The following FAM163A variants were observed in gnomAD, a reference collection of about 807,000 sequenced individuals.
FAM163A encodes the protein protein FAM163A.
Under a neutral mutation model 12.0 loss-of-function variants are expected in FAM163A, and 7 were observed. That is an observed-to-expected ratio of 0.58 (90% CI 0.33 to 1.10). The LOEUF is 1.10. Among genes scored for constraint, FAM163A ranks in the 50% least tolerant of loss-of-function variants. The pLI, the probability that FAM163A is intolerant of heterozygous loss-of-function variation, is 0.03. For missense variants in FAM163A, 202 were observed against 218.6 expected, an observed-to-expected ratio of 0.92 and a Z score of 0.48; for synonymous variants, 101 against 91.0, an observed-to-expected ratio of 1.11 and a Z score of -0.62.
chr1:179,771,080 G>A (rs1467589816), intron 1 of FAM163A, among the ~76,000 whole-genome samples: 1 of 152,066 alleles, frequency 6.6e-6, no homozygotes, highest in African/African-American at 2.4e-5. Flanking sequence ...TTTCCGGTAT[G>A]ATCTCAAGCA....
At chr1:179,808,382 G>A (rs974160333) in intron 2 of FAM163A, among the ~76,000 whole-genome samples, 3 of 152,226 alleles carry the variant, frequency 2.0e-5, no homozygotes, top group African/African-American at 7.2e-5. Flanking sequence ...GTCCAGACAT[G>A]GCTGGTTGAC....
intron 1 of FAM163A, among the ~76,000 whole-genome samples, chr1:179,790,218 C>CTTTT (rs1168192716): frequency 7.1e-4 from 65 of 91,626 alleles, no homozygotes; most frequent in Non-Finnish European, 1.2e-3. Flanking sequence ...AGCTGACTTC[C>CTTTT]TTTTTTTTTT....
At position 179,797,995 on chromosome 1, in the gene FAM163A, C is replaced by T. The variant is rs563900204; in HGVS notation, c.-135-9803C>T. Among the ~76,000 whole-genome samples the T allele has an allele frequency of 1.9e-4, 29 of 152,114 alleles. No homozygotes were observed. The South Asian group carries it at 5.6e-3, about 29-fold the overall frequency. On this transcript the variant is annotated intron_variant, in intron 1 of 4. Transcript: ENST00000341785. ...CTGTAATCTCAGCACTTTGGGAGAC[C>T]GAGGCAGGTAGATTGTCTGAGCTCA...
At chr1:179,795,961 T>TTAA (rs1692245201) in intron 1 of FAM163A, among the ~76,000 whole-genome samples, 1 of 150,376 alleles carries the variant, frequency 6.6e-6, no homozygotes, top group East Asian at 1.9e-4. Flanking sequence ...TCTTTCTCTA[T>TTAA]TATTATTATT....
chr1:179,766,851 G>A (rs1161152510), intron 1 of FAM163A, among the ~76,000 whole-genome samples: 2 of 151,974 alleles, frequency 1.3e-5, no homozygotes, highest in East Asian at 3.9e-4. Context: ...TGCCTCCCGG[G>A]TTCAAGCGAT....
chr1:179,728,883 C>T, the FAM163A span, among the ~76,000 whole-genome samples: 3 of 152,232 alleles, frequency 2.0e-5, no homozygotes, highest in South Asian at 2.1e-4. Flanking sequence ...CCCGAGACAT[C>T]GATACATGTT....
At chr1:179,734,881 G>A in the FAM163A span, among the ~76,000 whole-genome samples, 1 of 152,180 alleles carries the variant, frequency 6.6e-6, no homozygotes, top group African/African-American at 2.4e-5. Flanking sequence ...GGCCTCATTA[G>A]GTAAGAGAGG....
At chr1:179,754,896 G>A (rs558058224) in intron 1 of FAM163A, among the ~76,000 whole-genome samples, 1 of 152,280 alleles carries the variant, frequency 6.6e-6, no homozygotes, top group East Asian at 1.9e-4. Flanking sequence ...CAGTTCTTTG[G>A]AAGGCCAAGG....
At chr1:179,793,187 A>G (rs1227243744) in intron 1 of FAM163A, among the ~76,000 whole-genome samples, 1 of 151,998 alleles carries the variant, frequency 6.6e-6, no homozygotes, top group Non-Finnish European at 1.5e-5. Flanking sequence ...AGTTTCTTCA[A>G]CCATTGCTCA....
chr1:179,783,140 A>G (rs1690036165), intron 1 of FAM163A, among the ~76,000 whole-genome samples: 1 of 151,946 alleles, frequency 6.6e-6, no homozygotes, highest in Admixed American at 6.6e-5. Context: ...AAAAAAAAAA[A>G]AAAAGGAAAA....
intron 1 of FAM163A, among the ~76,000 whole-genome samples, chr1:179,755,524 G>C (rs10798718): frequency 0.24 from 36,190 of 152,128 alleles, 4,960 homozygotes; most frequent in East Asian, 0.63. Flanking sequence ...AGTTCTCAGT[G>C]AGTGGAGAAG....
the FAM163A span, among the ~76,000 whole-genome samples, chr1:179,727,875 T>C: frequency 6.6e-6 from 1 of 152,132 alleles, no homozygotes; most frequent in African/African-American, 2.4e-5. Context: ...GACAAAATAT[T>C]AAGGATGGAG....
chr1:179,799,705 A>G (rs1223833111), intron 1 of FAM163A, among the ~76,000 whole-genome samples: 2 of 152,254 alleles, frequency 1.3e-5, no homozygotes, highest in Admixed American at 6.5e-5. Context: ...ACCAAGTCCA[A>G]TGTGAACCAA....
intron 1 of FAM163A, among the ~76,000 whole-genome samples, chr1:179,782,707 G>A (rs1689965802): frequency 6.6e-6 from 1 of 152,168 alleles, no homozygotes; most frequent in Non-Finnish European, 1.5e-5. Context: ...GAACATTAGA[G>A]CCAGAGCAAT....
intron 1 of FAM163A, among the ~76,000 whole-genome samples, chr1:179,763,381 A>G (rs1034782066): frequency 6.6e-6 from 1 of 152,216 alleles, no homozygotes; most frequent in Admixed American, 6.5e-5. Context: ...ATATTTTGGC[A>G]TGGCACGTTC....
At chr1:179,799,895 G>T (rs145075705) in intron 1 of FAM163A, among the ~76,000 whole-genome samples, 68 of 152,298 alleles carry the variant, frequency 4.5e-4, no homozygotes, top group Non-Finnish European at 9.1e-4. Context: ...CAAAACTGAG[G>T]TTCTCAGGAA....
chr1:179,784,061 A>T (rs1690243963), intron 1 of FAM163A, among the ~76,000 whole-genome samples: 1 of 152,096 alleles, frequency 6.6e-6, no homozygotes, highest in Non-Finnish European at 1.5e-5. Flanking sequence ...GGCCATCAAG[A>T]GTCTGATCCT....
chr1:179,781,458 C>T (rs139581317), intron 1 of FAM163A, among the ~76,000 whole-genome samples: 1,769 of 151,950 alleles, frequency 0.012, 28 homozygotes, highest in African/African-American at 0.04. Context: ...TGGTTGACTG[C>T]TCTGACCCCC....
At chr1:179,795,631 G>T (rs560611675) in intron 1 of FAM163A, among the ~76,000 whole-genome samples, 1 of 152,142 alleles carries the variant, frequency 6.6e-6, no homozygotes, top group Non-Finnish European at 1.5e-5. Flanking sequence ...CATAAATGAC[G>T]TAGTCTCTTA....
Sources: allele counts gnomAD v4.1 joint callset (sites outside exome capture counted in the v4.1 genomes callset), GRCh38; gene constraint gnomAD v4.1.1; transcripts MANE v1.5; gene names NCBI Gene and HGNC (gene_info 2026-07-23, HGNC 2026-07-21).